The following IMMP2L variants were observed in gnomAD, a reference collection of about 807,000 sequenced individuals.
The protein encoded by IMMP2L is inner mitochondrial membrane peptidase subunit 2.
A neutral mutation model predicts 19.3 loss-of-function variants in IMMP2L; 18 were observed. The ratio of observed to expected loss-of-function variants is 0.93; its 90% confidence interval spans 0.64 to 1.38. IMMP2L has a LOEUF of 1.38. Among genes scored for constraint, IMMP2L ranks in the 40% most tolerant of loss-of-function variants. The pLI, the probability that IMMP2L is intolerant of heterozygous loss-of-function variation, is 0.00. For synonymous variants in IMMP2L, 76 were observed against 73.0 expected (o/e 1.04, Z -0.21); for missense variants, 233 against 218.2 (o/e 1.07, Z -0.43).
chr7:111,391,594 C>A (rs1455786307), intron 3 of IMMP2L, among the ~76,000 whole-genome samples: 1 of 152,150 alleles, frequency 6.6e-6, no homozygotes, highest in Non-Finnish European at 1.5e-5. Flanking sequence ...TAGGATTCTA[C>A]ACTCAGATTG....
intron 3 of IMMP2L, among the ~76,000 whole-genome samples, chr7:111,351,671 TATA>T (rs899201109): frequency 2.6e-5 from 4 of 152,154 alleles, no homozygotes; most frequent in African/African-American, 4.8e-5. Flanking sequence ...AATAAGTGGC[TATA>T]ATGTGATTCC....
intron 3 of IMMP2L, among the ~76,000 whole-genome samples, chr7:111,214,644 T>C (rs143781279): frequency 0.013 from 1,884 of 146,014 alleles, 36 homozygotes; most frequent in Admixed American, 0.054. Context: ...TGAGCCACCA[T>C]GCCTGGCCAA....
At chr7:111,049,903 A>G (rs1443299715) in intron 3 of IMMP2L, among the ~76,000 whole-genome samples, 1 of 152,210 alleles carries the variant, frequency 6.6e-6, no homozygotes, top group East Asian at 1.9e-4. Flanking sequence ...GAAGTGTGAG[A>G]AATGAAAAGA....
At chr7:111,420,265 A>T (rs1835360537) in intron 3 of IMMP2L, among the ~76,000 whole-genome samples, 1 of 151,838 alleles carries the variant, frequency 6.6e-6, no homozygotes, top group African/African-American at 2.4e-5. Context: ...AAAGAAATCA[A>T]GTTTTCTAAG....
intron 3 of IMMP2L, among the ~76,000 whole-genome samples, chr7:111,311,704 A>G (rs539051797): frequency 2.3e-4 from 35 of 152,244 alleles, no homozygotes; most frequent in African/African-American, 8.2e-4. Context: ...TGAGGAAATG[A>G]GTTTTCTGCT....
chr7:111,113,183 A>G (rs1799446600), intron 3 of IMMP2L, among the ~76,000 whole-genome samples: 1 of 152,174 alleles, frequency 6.6e-6, no homozygotes, highest in Non-Finnish European at 1.5e-5. Context: ...TATCTATACT[A>G]GGTCATTGGA....
intron 3 of IMMP2L, among the ~76,000 whole-genome samples, chr7:110,990,160 T>C (rs1380483012): frequency 1.3e-5 from 2 of 152,180 alleles, no homozygotes; most frequent in East Asian, 3.8e-4. Flanking sequence ...AATTTAATTA[T>C]ATACATACTG....
At chr7:110,891,628 T>G (rs1338605166) in intron 4 of IMMP2L, among the ~76,000 whole-genome samples, 1 of 152,164 alleles carries the variant, frequency 6.6e-6, no homozygotes, top group African/African-American at 2.4e-5. Context: ...ATGCTATATT[T>G]AAATATTTTA....
intron 3 of IMMP2L, among the ~76,000 whole-genome samples, chr7:110,994,474 C>G (rs996883951): frequency 2.0e-5 from 3 of 152,136 alleles, no homozygotes; most frequent in African/African-American, 7.2e-5. Context: ...AGAACCCACA[C>G]GTAGCACTTC....
At chr7:111,561,619 T>C (rs1792067180) in intron 1 of IMMP2L, among the ~76,000 whole-genome samples, 1 of 152,010 alleles carries the variant, frequency 6.6e-6, no homozygotes, top group African/African-American at 2.4e-5. Context: ...GTCAAGGGGC[T>C]AAAAGGGATC....
intron 5 of IMMP2L, among the ~76,000 whole-genome samples, chr7:110,712,785 G>A (rs572788411): frequency 6.4e-5 from 8 of 124,394 alleles, no homozygotes; most frequent in East Asian, 2.4e-4. Flanking sequence ...AGGTGCGTCC[G>A]TCACCCCTTT....
At chr7:111,014,454 T>C (rs1445578325) in intron 3 of IMMP2L, among the ~76,000 whole-genome samples, 2 of 152,120 alleles carry the variant, frequency 1.3e-5, no homozygotes, top group African/African-American at 4.8e-5. Context: ...TATAAATGAC[T>C]CCTGGATTAA....
chr7:110,969,125 T>C (rs1335078378), intron 3 of IMMP2L, among the ~76,000 whole-genome samples: 1 of 152,128 alleles, frequency 6.6e-6, no homozygotes, highest in Non-Finnish European at 1.5e-5. Context: ...CACAGGTTTA[T>C]TTTAAATTAG....
At chr7:110,998,229 A>G (rs537657202) in intron 3 of IMMP2L, among the ~76,000 whole-genome samples, 1 of 152,250 alleles carries the variant, frequency 6.6e-6, no homozygotes, top group Non-Finnish European at 1.5e-5. Flanking sequence ...AATGCCTACA[A>G]AAAGCATGAA....
intron 5 of IMMP2L, among the ~76,000 whole-genome samples, chr7:110,767,906 C>G (rs1199183315): frequency 6.6e-6 from 1 of 152,156 alleles, no homozygotes; most frequent in Non-Finnish European, 1.5e-5. Flanking sequence ...AACTGGTCCT[C>G]TGCTTAATCT....
chr7:110,690,274 T>G (rs1217153025), intron 5 of IMMP2L, among the ~76,000 whole-genome samples: 1 of 152,210 alleles, frequency 6.6e-6, no homozygotes, highest in African/African-American at 2.4e-5. Flanking sequence ...CAGATGAACT[T>G]TCTTTTCCCT....
intron 5 of IMMP2L, among the ~76,000 whole-genome samples, chr7:110,792,757 C>T (rs980593610): frequency 6.6e-6 from 1 of 152,052 alleles, no homozygotes. Flanking sequence ...ATTCTATTGA[C>T]ACACATACAA....
At chr7:110,716,579 A>G (rs1208925992) in intron 5 of IMMP2L, among the ~76,000 whole-genome samples, 1 of 152,202 alleles carries the variant, frequency 6.6e-6, no homozygotes, top group Non-Finnish European at 1.5e-5. Flanking sequence ...GCAGGATATG[A>G]AATTCTTGTT....
At chr7:111,169,029 T>C (rs545986363) in intron 3 of IMMP2L, among the ~76,000 whole-genome samples, 2 of 150,706 alleles carry the variant, frequency 1.3e-5, no homozygotes, top group East Asian at 4.0e-4. Flanking sequence ...CTTACCCGAT[T>C]CCTACACATA....
Sources: gnomAD v4.1 joint callset for allele counts (sites outside exome capture counted in the v4.1 genomes callset) on GRCh38, gnomAD v4.1.1 for gene constraint, MANE v1.5 for transcripts, NCBI Gene and HGNC (gene_info 2026-07-23, HGNC 2026-07-21) for gene names.